IRAG1: variants seen among roughly 807,000 people sequenced by gnomAD.
The protein encoded by IRAG1 is IP3R-associated cGMP kinase substrate.
Under a neutral mutation model 106.2 loss-of-function variants are expected in IRAG1, and 62 were observed. The ratio of observed to expected loss-of-function variants is 0.58; its 90% CI spans 0.48 to 0.72. The LOEUF is 0.72. Among genes scored for constraint, IRAG1 ranks in the 30% least tolerant of loss-of-function variants. The pLI, the probability that IRAG1 is intolerant of heterozygous loss-of-function variation, is 0.00. For missense variants in IRAG1, 1,064 were observed against 1,140.7 expected (o/e 0.93, Z 0.97); for synonymous variants, 462 against 443.9 (o/e 1.04, Z -0.51).
At chr11:10,593,011 C>CT (rs1352368913) in intron 17 of IRAG1, among the ~76,000 whole-genome samples, 1 of 152,210 alleles carries the variant, frequency 6.6e-6, no homozygotes, top group African/African-American at 2.4e-5. Context: ...TAACCAATCT[C>CT]TTATTAGTGA....
chr11:10,583,318 A>G (rs1851583605), intron 18 of IRAG1, among the ~76,000 whole-genome samples: 1 of 152,196 alleles, frequency 6.6e-6, no homozygotes, highest in Non-Finnish European at 1.5e-5. Context: ...GGTGGAAAAG[A>G]AGGCATCTTC....
chr11:10,680,552 G>GAA (rs796909891), intron 1 of IRAG1, among the ~76,000 whole-genome samples: 4 of 148,708 alleles, frequency 2.7e-5, no homozygotes, highest in South Asian at 2.1e-4. Flanking sequence ...GAAGGGGAAG[G>GAA]GGAAGGGGAA....
chr11:10,633,456 C>A (rs1024547861), intron 3 of IRAG1, among the ~76,000 whole-genome samples: 10 of 152,170 alleles, frequency 6.6e-5, no homozygotes, highest in African/African-American at 2.4e-4. Context: ...TCTGTGAAAC[C>A]AAGGCGGAGA....
At chr11:10,596,249 C>G (rs912898633) in intron 15 of IRAG1, among the ~76,000 whole-genome samples, 1 of 152,196 alleles carries the variant, frequency 6.6e-6, no homozygotes, top group South Asian at 2.1e-4. Context: ...GGTAAACTTT[C>G]TCAATTGTCT....
Position 10,634,055 on chromosome 11 carries a change from CCT to C in IRAG1, c.240_241del (p.Gly81SerfsTer60). 6.2e-7 allele frequency: 1 copy of C among 1,610,632 alleles called. No homozygotes were observed. Among genetic ancestry groups the C allele is most frequent in the Non-Finnish European group, 8.5e-7 (1 of 1,178,144 alleles). On this transcript the variant is annotated frameshift_variant, in exon 3 of 21. Transcript: ENST00000423302. LOFTEE classifies it high-confidence loss of function. ...CGTGGGAGTTGGACTGCAAGATACT[CCT>C]GCGGCAGGAGGACCCTGCCGGTTTA...
At chr11:10,648,699 C>A (rs1387480140) in intron 2 of IRAG1, among the ~76,000 whole-genome samples, 1 of 152,168 alleles carries the variant, frequency 6.6e-6, no homozygotes, top group Non-Finnish European at 1.5e-5. Flanking sequence ...CAGGACATAG[C>A]CTTACAAAGT....
intron 18 of IRAG1, among the ~76,000 whole-genome samples, chr11:10,582,334 C>T (rs905253939): frequency 2.0e-5 from 3 of 152,082 alleles, no homozygotes; most frequent in Middle Eastern, 3.2e-3. Context: ...TTCCTGTTGT[C>T]TATCTTTCAC....
At chr11:10,658,116 C>G (rs780592031) in intron 1 of IRAG1, among the ~76,000 whole-genome samples, 1 of 152,228 alleles carries the variant, frequency 6.6e-6, no homozygotes, top group African/African-American at 2.4e-5. Flanking sequence ...GGATGCTCCC[C>G]ACAGGAGATC....
rs375450048 is a variant in IRAG1 at position 10,656,240 on chromosome 11, T to C, written c.68-4058A>G. Among the ~76,000 whole-genome samples, 15 of 152,294 alleles carry C rather than the reference T, an allele frequency of 9.8e-5. No individual in the cohort carries two copies. In the South Asian group the frequency reaches 2.5e-3, roughly 25 times the overall value. On this transcript the variant is annotated intron_variant, in intron 1 of 20. Transcript: ENST00000423302. ...TTCTTTAACCCATTTTCAGGGCCCT[T>C]CTTGCTGCCTCTCCAGTCTGGTTCG...
At chr11:10,667,164 G>A (rs28399828) in intron 1 of IRAG1, among the ~76,000 whole-genome samples, 146 of 150,280 alleles carry the variant, frequency 9.7e-4, no homozygotes, top group Middle Eastern at 6.8e-3. Context: ...TGTTTTTAAA[G>A]CACCTAATTT....
intron 10 of IRAG1, among the ~76,000 whole-genome samples, chr11:10,613,542 G>A (rs1358833308): frequency 2.0e-5 from 3 of 152,134 alleles, no homozygotes; most frequent in African/African-American, 2.4e-5. Flanking sequence ...GACATAAATC[G>A]AATAAATTTG....
chr11:10,626,412 G>C lies in IRAG1; in HGVS notation c.922C>G (p.Pro308Ala). The C allele has an allele frequency of 6.2e-7, 1 of 1,613,976 alleles. No individual in the cohort carries two copies. The highest frequency in any genetic ancestry group is 8.5e-7 in the Non-Finnish European group (1 of 1,179,884). The change falls in exon 9 of 21, where the codon CCT (proline) becomes GCT (alanine). Residue 308 changes from proline to alanine, a missense_variant. Coordinates refer to ENST00000423302, the MANE Select transcript of IRAG1 (RefSeq NM_130385.4). ...YPETTPKGLA[P>A]VTNSSGKMAL... The stretch of plus-strand genomic sequence containing the variant: ...ATTTTCCCACTGCTGTTTGTAACAG[G>C]AGCTAGGCCTTTGGGTGTGGTCTCG...
At chr11:10,679,286 C>A (rs1288369750) in intron 1 of IRAG1, among the ~76,000 whole-genome samples, 1 of 152,168 alleles carries the variant, frequency 6.6e-6, no homozygotes, top group East Asian at 1.9e-4. Context: ...CACCTACCAC[C>A]CTTATCTAGT....
intron 2 of IRAG1, among the ~76,000 whole-genome samples, chr11:10,650,134 A>G (rs1455629699): frequency 1.3e-5 from 2 of 152,218 alleles, no homozygotes; most frequent in Admixed American, 6.5e-5. Flanking sequence ...CAAACACTTT[A>G]AAAAGAATGG....
At position 10,665,527 on chromosome 11, in the gene IRAG1, C is replaced by A. The variant is rs577999478; in HGVS notation, c.68-13345G>T. ...TTCAAACATCATTACTTCCTGGGGG[C>A]GACCACTCCACCTACCTATCCCTCA... On this transcript the variant is annotated intron_variant, in intron 1 of 20. Transcript: ENST00000423302. The surrounding 1 kb of genome is among the most constrained non-coding windows in gnomAD (Gnocchi z 4.2). 2.2e-4 allele frequency among the ~76,000 whole-genome samples: 33 copies of A among 152,186 alleles called. No individual in the cohort carries two copies. The highest frequency in any genetic ancestry group is 2.5e-4 in the Non-Finnish European group (17 of 68,042).
rs750789563 is a variant in IRAG1 at position 10,629,641 on chromosome 11, C to T, written c.471G>A (p.Lys157=). The T allele has an allele frequency of 4.1e-5, 66 of 1,614,006 alleles. No individual in the cohort carries two copies. The Admixed American group carries it at 4.8e-4, about 12-fold the overall frequency. Reference sequence around the variant, plus strand: ...CTTCCAGCAGCGCCAGGTTTTTCTTCTTGTCCTCCTCTGAGATGCTGATGT... The same window carrying T: ...CTTCCAGCAGCGCCAGGTTTTTCTTTTTGTCCTCCTCTGAGATGCTGATGT... ...LPDISISEED[K]KKNLALLEEA... Residue 157 remains lysine, a synonymous_variant, in exon 5 of 21, where the codon AAG becomes AAA. Transcript: ENST00000423302.
intron 7 of IRAG1, 35 bp from the exon 8 acceptor site, chr11:10,627,795 T>C (rs1856369908): frequency 3.7e-6 from 6 of 1,613,560 alleles, no homozygotes; most frequent in Admixed American, 1.7e-5. Flanking sequence ...CAGTCAGCAA[T>C]GGGAAGAGAC....
intron 1 of IRAG1, among the ~76,000 whole-genome samples, chr11:10,666,959 C>T (rs1413055470): frequency 6.6e-6 from 1 of 152,136 alleles, no homozygotes; most frequent in Non-Finnish European, 1.5e-5. Flanking sequence ...CCCTGGGGAA[C>T]ATTTTCCCAG....
At chr11:10,611,452 C>G (rs568079918) in intron 10 of IRAG1, 20 of 152,272 alleles carry the variant, frequency 1.3e-4, no homozygotes, top group African/African-American at 4.8e-4. Context: ...GTCTAATAAT[C>G]AAGTGAAATG....
Sources: gnomAD v4.1 joint callset for allele counts (sites outside exome capture counted in the v4.1 genomes callset) on GRCh38, gnomAD v4.1.1 for gene constraint, Gnocchi (gnomAD v3.1) non-coding constraint, MANE v1.5 for transcripts, NCBI Gene and HGNC (gene_info 2026-07-23, HGNC 2026-07-21) for gene names.